The following WDR47 variants were observed in gnomAD, a reference collection of about 807,000 sequenced individuals.
The protein encoded by WDR47 is WD repeat domain 47, also known as WD repeat-containing protein 47.
A neutral mutation model predicts 97.2 loss-of-function variants in WDR47; 32 were observed. That is an observed-to-expected ratio of 0.33 (90% CI 0.25 to 0.44). WDR47 has a LOEUF of 0.44. WDR47 is among the 20% of genes least tolerant of loss of function. The pLI is 1.00. For synonymous variants in WDR47, 375 were observed against 373.5 expected, an observed-to-expected ratio of 1.00 and a Z score of -0.05; for missense variants, 782 against 1,102.3, an observed-to-expected ratio of 0.71 and a Z score of 4.11.
chr1:108,989,381 C>T (rs1659135404), intron 9 of WDR47, among the ~76,000 whole-genome samples: 1 of 152,218 alleles, frequency 6.6e-6, no homozygotes, highest in South Asian at 2.1e-4. Flanking sequence ...CTACCTAAGC[C>T]TTTATTCATG....
chr1:108,974,788 A>T (rs1657755322), intron 13 of WDR47, 34 bp from the exon 14 acceptor site: 10 of 1,509,000 alleles, frequency 6.6e-6, no homozygotes, highest in Non-Finnish European at 8.2e-6. Context: ...TAAATACAGA[A>T]AATCAATATA....
At chr1:109,002,518 CA>C (rs1452142773) in intron 6 of WDR47, 116 bp from the exon 7 acceptor site, 1 of 847,520 alleles carries the variant, frequency 1.2e-6, no homozygotes, top group African/African-American at 1.7e-5. Flanking sequence ...TTAACAATCA[CA>C]AAATACTTAA....
At chr1:108,986,487 AAGGT>A in intron 10 of WDR47, 32 bp downstream of exon 10, 2 of 1,544,674 alleles carry the variant, frequency 1.3e-6, no homozygotes, top group Non-Finnish European at 8.7e-7. Context: ...ATTAAAAACT[AAGGT>A]AAGAATGGCA....
chr1:108,975,301 AATT>A (rs1300646105), intron 13 of WDR47, among the ~76,000 whole-genome samples: 1 of 151,510 alleles, frequency 6.6e-6, no homozygotes, highest in Non-Finnish European at 1.5e-5. Flanking sequence ...TTATTTTATA[AATT>A]ATTATAATTA....
At chr1:109,030,757 TAAA>T (rs35274764) in intron 1 of WDR47, among the ~76,000 whole-genome samples, 18 of 113,170 alleles carry the variant, frequency 1.6e-4, no homozygotes, top group Admixed American at 2.1e-4. Context: ...TCTTTTCCTT[TAAA>T]AAAAAAAAAA....
chr1:109,017,585 C>T lies in WDR47; in HGVS notation c.175G>A (p.Gly59Ser). ...AACTGAAGAACTTCATCCCATTGACCATCAAGTATTAGCTGCCTAAATAAA... is the reference window on the plus strand; with the variant it reads ...AACTGAAGAACTTCATCCCATTGACTATCAAGTATTAGCTGCCTAAATAAA... ...MLFLRQLILD[G>S]QWDEVLQFIQ... Residue 59 changes from glycine (G) to serine (S), a missense_variant, in exon 3 of 15, where the codon GGT becomes AGT. Gly to Ser is a moderately conservative substitution (Grantham distance 56). Around this residue, in one of 3 missense-constraint regions of WDR47, gnomAD observed 428 missense variants for 584.3 expected, o/e 0.73. Transcript: ENST00000369962. 3.1e-6 allele frequency: 5 copies of T among 1,611,660 alleles called. No individual in the cohort carries two copies. Among genetic ancestry groups the T allele is most frequent in the Non-Finnish European group, 4.2e-6 (5 of 1,179,566 alleles).
chr1:108,972,483 A>G (rs193145138), intron 14 of WDR47, among the ~76,000 whole-genome samples: 1 of 152,282 alleles, frequency 6.6e-6, no homozygotes, highest in Non-Finnish European at 1.5e-5. Flanking sequence ...ACTTTTTAAA[A>G]TGCTTATAGC....
chr1:109,037,000 T>G (rs1382284436), intron 1 of WDR47, among the ~76,000 whole-genome samples: 1 of 152,126 alleles, frequency 6.6e-6, no homozygotes, highest in Non-Finnish European at 1.5e-5. Context: ...GTTTTTGCAC[T>G]TCCCGGAATT....
chr1:108,996,094 T>C (rs1659729820), intron 7 of WDR47, among the ~76,000 whole-genome samples: 1 of 152,146 alleles, frequency 6.6e-6, no homozygotes, highest in South Asian at 2.1e-4. Flanking sequence ...TGAGTCAGGG[T>C]CTCGCTCTGT....
At chr1:109,040,789 C>T (rs2102076487) in intron 1 of WDR47, among the ~76,000 whole-genome samples, 2 of 152,230 alleles carry the variant, frequency 1.3e-5, no homozygotes, top group East Asian at 3.9e-4. Flanking sequence ...GCCAATGCAA[C>T]ATATGCCAAC....
At chr1:109,021,914 C>G (rs914110734) in intron 2 of WDR47, among the ~76,000 whole-genome samples, 1 of 152,048 alleles carries the variant, frequency 6.6e-6, no homozygotes, top group Non-Finnish European at 1.5e-5. Flanking sequence ...GTGGCACCAT[C>G]ATGGCTCACT....
intron 14 of WDR47, among the ~76,000 whole-genome samples, chr1:108,973,309 T>C (rs1166627220): frequency 6.6e-6 from 1 of 152,006 alleles, no homozygotes; most frequent in Non-Finnish European, 1.5e-5. Flanking sequence ...CTTCCCCTAT[T>C]CACCCTAGTC....
At chr1:108,993,352 C>G (rs1659512601) in intron 8 of WDR47, among the ~76,000 whole-genome samples, 1 of 151,486 alleles carries the variant, frequency 6.6e-6, no homozygotes, top group African/African-American at 2.4e-5. Context: ...AATGAGGAAT[C>G]AAGATGGCAT....
At chr1:109,008,958 G>T (rs894156611) in intron 5 of WDR47, among the ~76,000 whole-genome samples, 2 of 151,768 alleles carry the variant, frequency 1.3e-5, no homozygotes, top group Admixed American at 1.3e-4. Flanking sequence ...AGTGGCGCAC[G>T]CCTGTAATCC....
intron 2 of WDR47, among the ~76,000 whole-genome samples, chr1:109,021,361 C>A (rs1661823821): frequency 6.6e-6 from 1 of 151,984 alleles, no homozygotes; most frequent in South Asian, 2.1e-4. Flanking sequence ...AACCTTGCCT[C>A]TACTAAAAAT....
intron 1 of WDR47, among the ~76,000 whole-genome samples, chr1:109,037,581 C>G (rs1365227017): frequency 6.8e-6 from 1 of 147,904 alleles, no homozygotes; most frequent in Non-Finnish European, 1.5e-5. Context: ...GAGCTGAGAT[C>G]GCACCACTGC....
At chr1:109,030,908 G>T in intron 1 of WDR47, among the ~76,000 whole-genome samples, 1 of 138,682 alleles carries the variant, frequency 7.2e-6, no homozygotes, top group Non-Finnish European at 1.6e-5. Flanking sequence ...AACCTCTATG[G>T]GCCTCAATTT....
At chr1:109,021,669 GGCAT>G (rs1661851392) in intron 2 of WDR47, among the ~76,000 whole-genome samples, 1 of 151,978 alleles carries the variant, frequency 6.6e-6, no homozygotes, top group Non-Finnish European at 1.5e-5. Flanking sequence ...TGGAATTACA[GGCAT>G]GCACCACTAT....
intron 8 of WDR47, among the ~76,000 whole-genome samples, chr1:108,993,343 A>G (rs565020286): frequency 1.1e-4 from 16 of 152,152 alleles, no homozygotes; most frequent in African/African-American, 3.1e-4. Flanking sequence ...AAAAAAGACA[A>G]TGAGGAATCA....
Sources: allele counts gnomAD v4.1 joint callset (sites outside exome capture counted in the v4.1 genomes callset), GRCh38; gene constraint gnomAD v4.1.1; regional missense constraint gnomAD v4.1.1; transcripts MANE v1.5; gene names NCBI Gene and HGNC (gene_info 2026-07-23, HGNC 2026-07-21).